Variants in PTPRT observed in about 807,000 individuals in gnomAD.
The protein encoded by PTPRT is protein tyrosine phosphatase receptor type T, also known as receptor-type tyrosine-protein phosphatase T.
Under a neutral mutation model 176.8 loss-of-function variants are expected in PTPRT, and 56 were observed. The ratio of observed to expected loss-of-function variants is 0.32; its 90% CI spans 0.26 to 0.40. The LOEUF (loss-of-function observed/expected upper bound fraction) is 0.40, where lower values mean the gene tolerates loss of function less well. Among genes scored for constraint, PTPRT ranks in the 10% least tolerant of loss-of-function variants. PTPRT has a pLI of 1.00. For synonymous variants in PTPRT, 783 were observed against 739.0 expected, an observed-to-expected ratio of 1.06 and a Z score of -0.96; for missense variants, 1,540 against 1,908.2, an observed-to-expected ratio of 0.81 and a Z score of 3.60.
intron 8 of PTPRT, among the ~76,000 whole-genome samples, chr20:42,462,140 C>T (rs2071031910): frequency 6.6e-6 from 1 of 151,966 alleles, no homozygotes; most frequent in Non-Finnish European, 1.5e-5. Flanking sequence ...GCAATGAGAG[C>T]TGGAGGGAAT....
At chr20:42,296,314 C>T (rs2057385726) in intron 12 of PTPRT, among the ~76,000 whole-genome samples, 1 of 151,994 alleles carries the variant, frequency 6.6e-6, no homozygotes, top group South Asian at 2.1e-4. Flanking sequence ...GGTGTGGTGG[C>T]ACGTGCCTGT....
chr20:42,536,412 ACTAT>A (rs1260492116), intron 7 of PTPRT, among the ~76,000 whole-genome samples: 8 of 152,130 alleles, frequency 5.3e-5, no homozygotes, highest in African/African-American at 1.9e-4. Flanking sequence ...TGCACCTAAG[ACTAT>A]CTACCACCAA....
intron 2 of PTPRT, among the ~76,000 whole-genome samples, chr20:42,874,645 G>T (rs889877232): frequency 6.6e-6 from 1 of 152,180 alleles, no homozygotes; most frequent in Non-Finnish European, 1.5e-5. Context: ...TCAAATCTCA[G>T]CTCCTCCATT....
chr20:43,012,197 C>T (rs910669875), intron 1 of PTPRT, among the ~76,000 whole-genome samples: 3 of 152,208 alleles, frequency 2.0e-5, no homozygotes, highest in Non-Finnish European at 2.9e-5. Context: ...TTCTGTCCCT[C>T]TAGCGAACCC....
At chr20:42,912,148 T>C (rs185994534) in intron 1 of PTPRT, among the ~76,000 whole-genome samples, 2 of 152,262 alleles carry the variant, frequency 1.3e-5, no homozygotes, top group Non-Finnish European at 1.5e-5. Context: ...AGGACAGTTG[T>C]TGCAATTAAC....
chr20:42,529,077 GA>G (rs1411198874), intron 7 of PTPRT, among the ~76,000 whole-genome samples: 1 of 152,138 alleles, frequency 6.6e-6, no homozygotes, highest in Non-Finnish European at 1.5e-5. Flanking sequence ...ACCTCAATAT[GA>G]AACAGAAACG....
chr20:42,480,336 G>T, intron 7 of PTPRT, among the ~76,000 whole-genome samples: 1 of 152,192 alleles, frequency 6.6e-6, no homozygotes, highest in East Asian at 1.9e-4. Flanking sequence ...CAGAGTGGGA[G>T]GTGAGACAGA....
intron 1 of PTPRT, among the ~76,000 whole-genome samples, chr20:43,072,276 T>C (rs944506343): frequency 1.3e-5 from 2 of 152,240 alleles, no homozygotes; most frequent in Non-Finnish European, 1.5e-5. Flanking sequence ...AAAGATGTAA[T>C]ATGCAAGAGA....
chr20:42,967,971 G>A (rs1486643813), intron 1 of PTPRT, among the ~76,000 whole-genome samples: 1 of 152,046 alleles, frequency 6.6e-6, no homozygotes, highest in East Asian at 1.9e-4. Context: ...CCTACCACCT[G>A]GCCCCAGCTA....
In PTPRT at chr20:42,589,139, G is replaced by A. The variant is rs917107619; in HGVS notation, c.1153+88727C>T. 6.7e-4 allele frequency among the ~76,000 whole-genome samples: 102 copies of A among 152,104 alleles called. 1 individual carries two copies. The highest frequency in any genetic ancestry group is 2.3e-3 in the African/African-American group (97 of 41,418). On this transcript the variant is annotated intron_variant, in intron 7 of 30. Coordinates refer to ENST00000373187, the MANE Select transcript of PTPRT (RefSeq NM_007050.6). ...CTGTCATTGAGACATGGGCAGCAGCGAACCCCACTCTCCAAGCTCTTACCT... is the reference window on the plus strand; with the variant it reads ...CTGTCATTGAGACATGGGCAGCAGCAAACCCCACTCTCCAAGCTCTTACCT...
intron 22 of PTPRT, among the ~76,000 whole-genome samples, chr20:42,111,703 T>C (rs1364971177): frequency 6.6e-6 from 1 of 152,214 alleles, no homozygotes; most frequent in East Asian, 1.9e-4. Context: ...ATTTGATGGA[T>C]CAGGAAACTG....
At chr20:42,993,932 T>C (rs2146113977) in intron 1 of PTPRT, among the ~76,000 whole-genome samples, 2 of 152,288 alleles carry the variant, frequency 1.3e-5, no homozygotes, top group South Asian at 4.1e-4. Context: ...AGAAACTGTC[T>C]GGACACAAGC....
At chr20:42,601,161 A>G (rs545127579) in intron 7 of PTPRT, among the ~76,000 whole-genome samples, 1 of 152,296 alleles carries the variant, frequency 6.6e-6, no homozygotes, top group South Asian at 2.1e-4. Flanking sequence ...GCTACTCTCC[A>G]TAGTGGAAAA....
At chr20:42,147,769 G>A (rs1356504440) in intron 17 of PTPRT, among the ~76,000 whole-genome samples, 8 of 152,184 alleles carry the variant, frequency 5.3e-5, no homozygotes, top group African/African-American at 1.9e-4. Flanking sequence ...CTCCCTTAGT[G>A]GGGGCTGAAG....
chr20:42,374,326 T>C (rs2058625450), intron 9 of PTPRT, among the ~76,000 whole-genome samples: 1 of 152,146 alleles, frequency 6.6e-6, no homozygotes. Context: ...AAACGTAAAA[T>C]AAATAAAGCC....
intron 6 of PTPRT, chr20:42,687,505 G>A (rs1051149259): frequency 6.6e-6 from 1 of 152,224 alleles, no homozygotes; most frequent in Non-Finnish European, 1.5e-5. Context: ...CCAAAATTAA[G>A]AGCAGAGTAA....
chr20:42,175,126 G>GAACTTTTT (rs1990237236), intron 16 of PTPRT, among the ~76,000 whole-genome samples: 4 of 152,068 alleles, frequency 2.6e-5, no homozygotes, highest in Non-Finnish European at 5.9e-5. Flanking sequence ...TAAGGCATGA[G>GAACTTTTT]AACTTTTTCA....
At chr20:42,301,262 C>T (rs1308985870) in intron 12 of PTPRT, among the ~76,000 whole-genome samples, 2 of 152,176 alleles carry the variant, frequency 1.3e-5, no homozygotes, top group Admixed American at 6.5e-5. Flanking sequence ...AGCAACATCA[C>T]TTTTGTGGTA....
chr20:43,077,160 G>C (rs2011300120), intron 1 of PTPRT, among the ~76,000 whole-genome samples: 1 of 152,090 alleles, frequency 6.6e-6, no homozygotes, highest in Non-Finnish European at 1.5e-5. Flanking sequence ...ACAGATTTGG[G>C]TCAAGAAAAA....
Sources: allele counts gnomAD v4.1 joint callset (sites outside exome capture counted in the v4.1 genomes callset), GRCh38; gene constraint gnomAD v4.1.1; transcripts MANE v1.5; gene names NCBI Gene and HGNC (gene_info 2026-07-23, HGNC 2026-07-21).